Variants in PROM2 observed in about 807,000 individuals in gnomAD.
PROM2 encodes the protein prominin-2.
PROM2 carries 90 observed loss-of-function variants against 110.2 expected under a neutral mutation model. The observed-to-expected ratio is 0.82, with a 90% CI of 0.69 to 0.97. The LOEUF is 0.97. Among genes scored for constraint, PROM2 ranks in the 50% least tolerant of loss-of-function variants. PROM2 has a pLI of 0.00. For missense variants in PROM2, 1,009 were observed against 1,074.8 expected, an observed-to-expected ratio of 0.94 and a Z score of 0.86; for synonymous variants, 470 against 467.8, an observed-to-expected ratio of 1.00 and a Z score of -0.06.
chr2:95,279,603 A>G (rs763482824), intron 10 of PROM2, among the ~76,000 whole-genome samples: 3 of 152,082 alleles, frequency 2.0e-5, no homozygotes, highest in Non-Finnish European at 4.4e-5. Context: ...CCGCTTCTGC[A>G]TATTTTTAAG....
intron 10 of PROM2, 115 bp downstream of exon 10, chr2:95,279,259 GC>G (rs1235101982): frequency 1.3e-6 from 1 of 793,204 alleles, no homozygotes; most frequent in Non-Finnish European, 1.9e-6. Flanking sequence ...ACTGTACTGA[GC>G]CTCTGTGTTT....
intron 23 of PROM2, 36 bp downstream of exon 23, chr2:95,289,042 CAGGGATTA>C (rs906864581): frequency 6.7e-7 from 1 of 1,498,404 alleles, no homozygotes; most frequent in African/African-American, 1.4e-5. Flanking sequence ...TGCTCCCTGC[CAGGGATTA>C]AGGGAGTGGG....
Position 95,287,139 on chromosome 2 carries a change from A to G in PROM2, c.2101A>G (p.Thr701Ala). 1 of 1,613,780 alleles carries G rather than the reference A, an allele frequency of 6.2e-7. No homozygotes were observed. Among genetic ancestry groups the G allele is most frequent in the Non-Finnish European group, 8.5e-7 (1 of 1,179,910 alleles). The change falls in exon 19 of 24, where the codon ACC (threonine) becomes GCC (alanine). Residue 701 changes from threonine to alanine, a missense_variant. Thr to Ala is a moderately conservative substitution (Grantham distance 58). Coordinates refer to ENST00000317620, the MANE Select transcript of PROM2 (RefSeq NM_001165978.3). ...ESSAPNLQLE[T>A]SDVLANVTYL... is the part of the protein sequence containing the mutation. ...AGGCTCTCGTCCCCTCCAGCTGGAG[A>G]CCTCAGATGTCCTAGCCAATGTCAC...
intron 14 of PROM2, 111 bp from the exon 15 acceptor site, chr2:95,284,858 G>A: frequency 8.1e-7 from 1 of 1,227,314 alleles, no homozygotes; most frequent in East Asian, 2.7e-5. Flanking sequence ...AAATTTGGAG[G>A]GGACAAATAT....
Position 95,278,738 on chromosome 2 carries a change from C to T in PROM2, c.1068C>T (p.Asn356=), listed in dbSNP as rs369819540. ...TCCTGCAGGAGAACAGCACCTTCAACGCCCTTCCAGCCCTGGCTGCCATGC... is the reference window on the plus strand; with the variant it reads ...TCCTGCAGGAGAACAGCACCTTCAATGCCCTTCCAGCCCTGGCTGCCATGC... ...SMVQEENSTF[N]ALPALAAMQT... is the part of the protein sequence containing the mutation. The change falls in exon 9 of 24, where the codon AAC becomes AAT. Residue 356 remains asparagine, a synonymous_variant. Coordinates refer to ENST00000317620, the MANE Select transcript of PROM2 (RefSeq NM_001165978.3). 71 of 1,614,096 alleles carry T rather than the reference C, an allele frequency of 4.4e-5. No homozygotes were observed. The highest frequency in any genetic ancestry group is 3.3e-4 in the Middle Eastern group (2 of 6,062).
rs1418087564 is a variant in PROM2, at chr2:95,277,922, C to G, written c.976-8C>G. 1.2e-6 allele frequency: 2 copies of G among 1,611,204 alleles called. No individual in the cohort carries two copies. Among genetic ancestry groups the G allele is most frequent in the Non-Finnish European group, 1.7e-6 (2 of 1,178,954 alleles). On this transcript the variant is annotated splice_polypyrimidine_tract_variant and splice_region_variant and intron_variant, in intron 7 of 23. Coordinates refer to ENST00000317620, the MANE Select transcript of PROM2 (RefSeq NM_001165978.3). Reference sequence around the variant, plus strand: ...AACTTTGTCATAACCCACCTTCCCCCATTTCAGGTGCCCTCTGTGGACCAT... The same window carrying G: ...AACTTTGTCATAACCCACCTTCCCCGATTTCAGGTGCCCTCTGTGGACCAT...
At position 95,276,092 on chromosome 2, in the gene PROM2, G is replaced by T. The variant is rs1293362770; in HGVS notation, c.457G>T (p.Ala153Ser). The change falls in exon 3 of 24, where the codon GCC becomes TCC. Residue 153 changes from alanine (A) to serine (S), a missense_variant. Coordinates refer to ENST00000317620, the MANE Select transcript of PROM2 (RefSeq NM_001165978.3). The surrounding 1 kb of genome is among the most constrained non-coding windows in gnomAD (Gnocchi z 4.6). ...EHKALACERAALMVFLLLTTL... is the reference protein window; with the variant it reads ...EHKALACERASLMVFLLLTTL... ...CAAGGCGCTGGCCTGTGAGCGCGCGGCCCTCATGGTCTTCCTGCTGCTGAC... is the reference window on the plus strand; with the variant it reads ...CAAGGCGCTGGCCTGTGAGCGCGCGTCCCTCATGGTCTTCCTGCTGCTGAC... 1 of 1,611,394 alleles carries T rather than the reference G, an allele frequency of 6.2e-7. No individual in the cohort carries two copies. The highest frequency in any genetic ancestry group is 8.5e-7 in the Non-Finnish European group (1 of 1,179,812).
chr2:95,275,938 G>A lies in PROM2; in HGVS notation c.303G>A (p.Arg101=). 6.2e-7 allele frequency: 1 copy of A among 1,610,152 alleles called. No homozygotes were observed. The highest frequency in any genetic ancestry group is 1.3e-5 in the African/African-American group (1 of 75,058). ...CCCTGCTGCCTGCCCAGGTGGTGCG[G>A]TACGAGGCGGGCTACGTGGTATGCG... The part of the protein sequence containing the change: ...LASVKVNEVV[R]YEAGYVVCAV... Residue 101 remains arginine, a synonymous_variant, in exon 3 of 24, where the codon CGG becomes CGA. Transcript: ENST00000317620. This position sits in a 1 kb window ranked among gnomAD's most constrained non-coding sequence, Gnocchi z 4.4.
chr2:95,286,401 T>G, intron 16 of PROM2, 78 bp from the exon 17 acceptor site: 2 of 1,268,976 alleles, frequency 1.6e-6, no homozygotes, highest in South Asian at 1.2e-5. Context: ...CACTTTCTCT[T>G]GGTATGTCAG....
intron 1 of PROM2, 136 bp downstream of exon 1, chr2:95,274,965 C>T: frequency 1.7e-6 from 2 of 1,179,796 alleles, no homozygotes; most frequent in Non-Finnish European, 2.3e-6. Flanking sequence ...GGCGGAGGAT[C>T]TGGGGAGGGC....
chr2:95,275,723 A>G lies in PROM2; in HGVS notation c.295-207A>G. ...TTTACTGGCAGTGAGGTTTGCAGGGAGCTGGAACTTCCTGAACTTCAGCTT... is the reference window on the plus strand; with the variant it reads ...TTTACTGGCAGTGAGGTTTGCAGGGGGCTGGAACTTCCTGAACTTCAGCTT... On this transcript the variant is annotated intron_variant, in intron 2 of 23. Transcript: ENST00000317620. This position sits in a 1 kb window ranked among gnomAD's most constrained non-coding sequence, Gnocchi z 4.4. The G allele has an allele frequency of 4.2e-6, 6 of 1,443,752 alleles. No homozygotes were observed. The highest frequency in any genetic ancestry group is 5.5e-6 in the Non-Finnish European group (6 of 1,098,632). The allele number at this position is 1,443,752 out of a possible 1,614,324, so 89.4% of individuals were successfully genotyped here.
intron 22 of PROM2, 98 bp downstream of exon 22, chr2:95,288,687 G>A (rs1677525449): frequency 2.8e-6 from 3 of 1,066,174 alleles, no homozygotes; most frequent in East Asian, 4.8e-5. Context: ...AGACCTCCCA[G>A]GCAGAGGAGG....
In PROM2 at chr2:95,276,090, C is replaced by T. The variant is rs142187492; in HGVS notation, c.455C>T (p.Ala152Val). 2.1e-4 allele frequency: 336 copies of T among 1,611,344 alleles called. 5 individuals are homozygous for T. In the South Asian group the frequency reaches 2.3e-3, roughly 11 times the overall value. ...TEHKALACER[A>V]ALMVFLLLTT... ...CACAAGGCGCTGGCCTGTGAGCGCG[C>T]GGCCCTCATGGTCTTCCTGCTGCTG... is the stretch of plus-strand genomic sequence containing the variant. The change falls in exon 3 of 24, where the codon GCG becomes GTG. Residue 152 changes from alanine (A) to valine (V), a missense_variant. Ala to Val is a moderately conservative substitution (Grantham distance 64). Coordinates refer to ENST00000317620, the MANE Select transcript of PROM2 (RefSeq NM_001165978.3). This position sits in a 1 kb window ranked among gnomAD's most constrained non-coding sequence, Gnocchi z 4.6.
At chr2:95,288,820 C>A in intron 22 of PROM2, 113 bp from the exon 23 acceptor site, 1 of 1,121,404 alleles carries the variant, frequency 8.9e-7, no homozygotes, top group South Asian at 1.3e-5. Flanking sequence ...GGACCCTTCC[C>A]ATCCCCCACA....
chr2:95,285,961 G>A lies in PROM2; in HGVS notation c.1947+251G>A, dbSNP rs561416851. 6.5e-4 allele frequency among the ~76,000 whole-genome samples: 99 copies of A among 152,310 alleles called. 1 individual carries two copies. Among genetic ancestry groups the A allele is most frequent in the Middle Eastern group, 6.8e-3 (2 of 294 alleles). ...CTGAGCCGGAGGTTCTTCATCTGTT[G>A]GGTGGACTGTCCTCCATCTCAGAGC... is the stretch of plus-strand genomic sequence containing the variant. On this transcript the variant is annotated intron_variant, in intron 16 of 23. Coordinates refer to ENST00000317620, the MANE Select transcript of PROM2 (RefSeq NM_001165978.3).
chr2:95,282,739 T>A (rs922827510), intron 14 of PROM2, among the ~76,000 whole-genome samples: 6 of 152,054 alleles, frequency 3.9e-5, no homozygotes, highest in Admixed American at 2.6e-4. Context: ...CTGGAGACAC[T>A]TGCCAATGCT....
rs147967943 is a variant in PROM2 at position 95,288,518 on chromosome 2, C to A, written c.2370C>A (p.Phe790Leu). 1.6e-3 allele frequency: 2,657 copies of A among 1,614,228 alleles called. 15 individuals carry two copies. Among genetic ancestry groups the A allele is most frequent in the Non-Finnish European group, 1.7e-3 (2,043 of 1,180,028 alleles). The change falls in exon 22 of 24, where the codon TTC (phenylalanine) becomes TTA (leucine). Residue 790 changes from phenylalanine to leucine, a missense_variant. Transcript: ENST00000317620. ...AFWFCLAWCT[F>L]FLIPSIIFAV... ...GGTTCTGCCTGGCATGGTGCACCTT[C>A]TTCCTGATCCCCAGCATCATCTTTG... is the stretch of plus-strand genomic sequence containing the variant.
At position 95,275,426 on chromosome 2, in the gene PROM2, T is replaced by C; in HGVS notation, c.245-35T>C. 6.3e-7 allele frequency: 1 copy of C among 1,593,680 alleles called. No individual in the cohort carries two copies. ...AGGGACACAGGGGCAGGGCAGTGGCTGTCCCCAAATCCTCAGCTTGGCTCT... is the reference window on the plus strand; with the variant it reads ...AGGGACACAGGGGCAGGGCAGTGGCCGTCCCCAAATCCTCAGCTTGGCTCT... On this transcript the variant is annotated intron_variant, in intron 1 of 23. Coordinates refer to ENST00000317620, the MANE Select transcript of PROM2 (RefSeq NM_001165978.3). The surrounding 1 kb of genome is among the most constrained non-coding windows in gnomAD (Gnocchi z 4.4).
chr2:95,286,748 C>A, intron 17 of PROM2, 56 bp from the exon 18 acceptor site: 1 of 1,427,370 alleles, frequency 7.0e-7, no homozygotes, highest in East Asian at 2.3e-5. Context: ...TTCCTCCCCT[C>A]TCCTCCCTCC....
Sources: allele counts gnomAD v4.1 joint callset (sites outside exome capture counted in the v4.1 genomes callset), GRCh38; gene constraint gnomAD v4.1.1; non-coding constraint Gnocchi (gnomAD v3.1); transcripts MANE v1.5; gene names NCBI Gene and HGNC (gene_info 2026-07-23, HGNC 2026-07-21).